Variants in DPPA4 observed in about 807,000 individuals in gnomAD.
DPPA4 encodes the protein developmental pluripotency-associated protein 4.
DPPA4 carries 22 observed loss-of-function variants against 33.7 expected under a neutral mutation model. The observed-to-expected ratio is 0.65, with a 90% confidence interval of 0.47 to 0.93. The LOEUF is 0.93. Ranked by LOEUF, DPPA4 falls within the 40% of genes least tolerant of loss-of-function variation. The pLI is 0.00. For synonymous variants in DPPA4, 156 were observed against 132.3 expected (o/e 1.18, Z -1.23); for missense variants, 340 against 358.6 (o/e 0.95, Z 0.42).
At chr3:109,335,152 A>T (rs749235188) in intron 1 of DPPA4, among the ~76,000 whole-genome samples, 29 of 152,240 alleles carry the variant, frequency 1.9e-4, no homozygotes, top group South Asian at 8.3e-4. Flanking sequence ...TCATTTTTTT[A>T]AAAAATATTT....
In DPPA4 at chr3:109,329,054, G is replaced by C. The variant is rs757230151; in HGVS notation, c.714C>G (p.Leu238=). 1.6e-5 allele frequency: 26 copies of C among 1,613,916 alleles called. No homozygotes were observed. The highest frequency in any genetic ancestry group is 1.9e-5 in the Non-Finnish European group (22 of 1,180,032). The change falls in exon 6 of 7, where the codon CTC becomes CTG. Residue 238 remains leucine, a synonymous_variant. Transcript: ENST00000335658. ...VRWCVVHGKS[L]PADTDGWVHL... ...GAACCCAACCATCTGTGTCTGCAGG[G>C]AGACTTTTCCCATGGACCACACACC... is the stretch of plus-strand genomic sequence containing the variant.
chr3:109,328,898 A>C lies in DPPA4; in HGVS notation c.870T>G (p.Cys290Trp). 4 of 1,613,450 alleles carry C rather than the reference A, an allele frequency of 2.5e-6. No individual in the cohort carries two copies. Among genetic ancestry groups the C allele is most frequent in the Non-Finnish European group, 3.4e-6 (4 of 1,179,668 alleles). The change falls in exon 6 of 7, where the codon TGT becomes TGG. Residue 290 changes from cysteine (C) to tryptophan (W), a missense_variant. Coordinates refer to ENST00000335658, the MANE Select transcript of DPPA4 (RefSeq NM_018189.4). ...HLEDNMLCPK[C>W]VHRNKVLIKS... is the part of the protein sequence containing the mutation. Reference sequence around the variant, plus strand: ...AAGCATCAGGTAATTACCTGTGAACACATTTGGGGCACAACATATTGTCTT... The same window carrying C: ...AAGCATCAGGTAATTACCTGTGAACCCATTTGGGGCACAACATATTGTCTT...
In DPPA4 at chr3:109,327,835, G is replaced by A. The variant is rs115093572; in HGVS notation, c.*153C>T. The A allele has an allele frequency of 1.2e-3, 746 of 602,122 alleles. 2 individuals are homozygous for A. The highest frequency in any genetic ancestry group is 0.012 in the African/African-American group (617 of 53,392). The allele number at this position is 602,122 out of a possible 1,614,324, so 37.3% of individuals were successfully genotyped here. On this transcript the variant is annotated 3_prime_UTR_variant, in exon 7 of 7. Transcript: ENST00000335658. ...ACTCACAAAGCAACAGGCACTGCTA[G>A]GGGTCTTAGGCTAACATCTGCCACC...
Position 109,326,970 on chromosome 3 carries a change from A to G in DPPA4, c.*1018T>C, listed in dbSNP as rs1167356591. 6.6e-6 allele frequency: 1 copy of G among 152,180 alleles called. No homozygotes were observed. Among genetic ancestry groups the G allele is most frequent in the Non-Finnish European group, 1.5e-5 (1 of 68,026 alleles). 9.4% of individuals were successfully genotyped at this position (152,180 alleles called of 1,614,324 possible). ...TATTTTACATACACATCTTATTTTT[A>G]TTTATGGAGAATCGGTTAATAAACA... is the stretch of plus-strand genomic sequence containing the variant. On this transcript the variant is annotated 3_prime_UTR_variant, in exon 7 of 7. Transcript: ENST00000335658.
chr3:109,339,434 G>C (rs1708271353), upstream of DPPA4, among the ~76,000 whole-genome samples: 1 of 152,044 alleles, frequency 6.6e-6, no homozygotes, highest in African/African-American at 2.4e-5. Context: ...GGAGAAAACA[G>C]TGTCTGGAGA....
At position 109,326,550 on chromosome 3, in the gene DPPA4, C is replaced by G. The variant is rs1707938206; in HGVS notation, c.*1438G>C. 6.6e-6 allele frequency: 1 copy of G among 151,966 alleles called. No individual in the cohort carries two copies. The highest frequency in any genetic ancestry group is 1.5e-5 in the Non-Finnish European group (1 of 68,016). 9.4% of individuals were successfully genotyped at this position (151,966 alleles called of 1,614,324 possible). Reference sequence around the variant, plus strand: ...AAATTTTCCAACTCTTCCACTCCTTCCAGTGCATTATTTTTAGTATCTTCA... The same window carrying G: ...AAATTTTCCAACTCTTCCACTCCTTGCAGTGCATTATTTTTAGTATCTTCA... On this transcript the variant is annotated 3_prime_UTR_variant, in exon 7 of 7. Coordinates refer to ENST00000335658, the MANE Select transcript of DPPA4 (RefSeq NM_018189.4).
chr3:109,328,024 C>A lies in DPPA4; in HGVS notation c.879G>T (p.Arg293Ser). The A allele has an allele frequency of 1.3e-6, 2 of 1,513,216 alleles. No homozygotes were observed. The highest frequency in any genetic ancestry group is 2.3e-5 in the South Asian group (2 of 88,336). The allele number at this position is 1,513,216 out of a possible 1,614,324, so 93.7% of individuals were successfully genotyped here. ...GGAGGCTTTTTATTAAGACCTTGTT[C>A]CTATAAAGCAAATAAAGTATTTGTT... ...DNMLCPKCVH[R>S]NKVLIKSLQW... Residue 293 changes from arginine to serine, a missense_variant and splice_region_variant, in exon 7 of 7, where the codon AGG becomes AGT. Transcript: ENST00000335658.
At chr3:109,331,612 GTTCT>G (rs1235220010) in intron 4 of DPPA4, 118 bp downstream of exon 4, 2 of 470,386 alleles carry the variant, frequency 4.3e-6, no homozygotes, top group Non-Finnish European at 7.8e-6. Context: ...GGGAAATATT[GTTCT>G]TTCTTAGAAC....
intron 1 of DPPA4, 68 bp downstream of exon 1, chr3:109,337,396 C>T: frequency 2.1e-6 from 3 of 1,430,964 alleles, no homozygotes; most frequent in Non-Finnish European, 2.0e-6. Flanking sequence ...AAGGAAAAAT[C>T]AGGAGTGCCC....
intron 2 of DPPA4, chr3:109,333,409 T>A (rs1708125113): frequency 6.6e-6 from 1 of 152,290 alleles, no homozygotes; most frequent in Admixed American, 6.6e-5. Flanking sequence ...ATAGTAGGGT[T>A]TACTCTGTAC....
chr3:109,330,872 CCTA>C, intron 4 of DPPA4, 60 bp from the exon 5 acceptor site: 2 of 1,013,370 alleles, frequency 2.0e-6, no homozygotes, highest in Admixed American at 3.5e-5. Context: ...ACAAAAATGG[CCTA>C]AGGAGCTCTT....
rs1382726298 is a variant in DPPA4, at chr3:109,326,306, A to C, written c.*1682T>G. The C allele has an allele frequency of 6.6e-6, 1 of 152,208 alleles. No homozygotes were observed. Among genetic ancestry groups the C allele is most frequent in the Non-Finnish European group, 1.5e-5 (1 of 68,040 alleles). 9.4% of individuals were successfully genotyped at this position (152,208 alleles called of 1,614,324 possible). ...ACAGAAACTTGACCCATCCAAATAAAGCAGGGGAGAAGTTTAAAAAGGAAA... is the reference window on the plus strand; with the variant it reads ...ACAGAAACTTGACCCATCCAAATAACGCAGGGGAGAAGTTTAAAAAGGAAA... On this transcript the variant is annotated 3_prime_UTR_variant, in exon 7 of 7. Coordinates refer to ENST00000335658, the MANE Select transcript of DPPA4 (RefSeq NM_018189.4).
chr3:109,335,332 C>T (rs1245328690), intron 1 of DPPA4, among the ~76,000 whole-genome samples: 1 of 151,926 alleles, frequency 6.6e-6, no homozygotes, highest in African/African-American at 2.4e-5. Flanking sequence ...CCTATGTCTC[C>T]CCCCACTGAT....
intron 1 of DPPA4, among the ~76,000 whole-genome samples, chr3:109,335,957 A>C (rs180700253): frequency 6.6e-6 from 1 of 151,766 alleles, no homozygotes; most frequent in Admixed American, 6.6e-5. Flanking sequence ...GTTCGAGACC[A>C]GCCTGGCTAA....
upstream of DPPA4, chr3:109,337,587 A>G (rs1004896078): frequency 7.1e-7 from 1 of 1,400,888 alleles, no homozygotes; most frequent in East Asian, 2.3e-5. Context: ...CCGCCCGAAG[A>G]CCCTTTTTCT....
intron 1 of DPPA4, 133 bp downstream of exon 1, chr3:109,337,331 T>TAAA: frequency 3.3e-6 from 2 of 612,502 alleles, no homozygotes; most frequent in Non-Finnish European, 5.5e-6. Flanking sequence ...ACTCTTAAAA[T>TAAA]AAAAAAAAAA....
intron 1 of DPPA4, among the ~76,000 whole-genome samples, 190 bp downstream of exon 1, chr3:109,337,274 G>T (rs1261592850): frequency 2.7e-5 from 4 of 149,532 alleles, no homozygotes; most frequent in African/African-American, 9.9e-5. Context: ...TTTCTTACTT[G>T]TCTGCTCACT....
rs1334010147 is a variant in DPPA4, at chr3:109,333,975, A to G, written c.73T>C (p.Ser25Pro). Reference protein sequence around the residue: ...KGKEWTSTEKSREEDQQASNQ... With the variant: ...KGKEWTSTEKPREEDQQASNQ... ...GAAGCCTGCTGATCCTCTTCCCTCG[A>G]CTTCTCTGTGGAGGTCCACTGGGGA... Residue 25 changes from serine to proline, a missense_variant, in exon 2 of 7, where the codon TCG becomes CCG. By Grantham distance (74) the Ser-to-Pro change is moderately conservative. Coordinates refer to ENST00000335658, the MANE Select transcript of DPPA4 (RefSeq NM_018189.4). 1 of 1,613,920 alleles carries G rather than the reference A, an allele frequency of 6.2e-7. No individual in the cohort carries two copies.
intron 1 of DPPA4, among the ~76,000 whole-genome samples, chr3:109,335,349 C>T (rs576432553): frequency 1.3e-5 from 2 of 152,104 alleles, no homozygotes; most frequent in Non-Finnish European, 2.9e-5. Flanking sequence ...TGATCTCAAT[C>T]TTCTAGCCTC....
Sources: allele counts gnomAD v4.1 joint callset (sites outside exome capture counted in the v4.1 genomes callset), GRCh38; gene constraint gnomAD v4.1.1; transcripts MANE v1.5; gene names NCBI Gene and HGNC (gene_info 2026-07-23, HGNC 2026-07-21).